IL1RAPL1: variants seen among roughly 807,000 people sequenced by gnomAD.
The protein encoded by IL1RAPL1 is interleukin 1 receptor accessory protein like 1.
A neutral mutation model predicts 48.4 loss-of-function variants in IL1RAPL1; 3 were observed. The ratio of observed to expected loss-of-function variants is 0.06; its 90% confidence interval spans 0.03 to 0.16. The LOEUF is 0.16. IL1RAPL1 is among the 10% of genes least tolerant of loss of function. IL1RAPL1 has a pLI of 1.00. For synonymous variants in IL1RAPL1, 185 were observed against 187.7 expected (o/e 0.99, Z 0.12); for missense variants, 349 against 530.6 (o/e 0.66, Z 3.36).
intron 2 of IL1RAPL1, among the ~76,000 whole-genome samples, chrX:28,798,329 T>G (rs1452069358): frequency 1.8e-5 from 2 of 111,990 alleles, no homozygotes; most frequent in Non-Finnish European, 3.8e-5. Flanking sequence ...AGTATCTTAC[T>G]GATGTTTTAA....
intron 1 of IL1RAPL1, among the ~76,000 whole-genome samples, chrX:28,692,989 A>G (rs1935195766): frequency 8.9e-6 from 1 of 112,164 alleles, no homozygotes; most frequent in Non-Finnish European, 1.9e-5. Context: ...ATAGGTCCAT[A>G]TATCTTAGGT....
chrX:29,412,143 C>T (rs760716956), intron 5 of IL1RAPL1, among the ~76,000 whole-genome samples: 2 of 110,875 alleles, frequency 1.8e-5, no homozygotes, highest in African/African-American at 6.6e-5. Flanking sequence ...TGGTGGTCCG[C>T]GCCTGTAGTC....
At chrX:28,704,421 AAC>A (rs71703533) in intron 1 of IL1RAPL1, among the ~76,000 whole-genome samples, 5,756 of 89,279 alleles carry the variant, frequency 0.064, 215 homozygotes, top group African/African-American at 0.12. Flanking sequence ...AAAACACACA[AAC>A]ACACACACAC....
At chrX:29,250,268 AAAC>A (rs1205434165) in intron 2 of IL1RAPL1, among the ~76,000 whole-genome samples, 4 of 112,323 alleles carry the variant, frequency 3.6e-5, no homozygotes, top group Non-Finnish European at 5.6e-5. Flanking sequence ...TGAGAAATAG[AAAC>A]AACAACAACA....
intron 6 of IL1RAPL1, among the ~76,000 whole-genome samples, chrX:29,781,954 G>T (rs1291407673): frequency 1.8e-5 from 2 of 111,134 alleles, no homozygotes; most frequent in African/African-American, 6.6e-5. Flanking sequence ...AATAGATCTG[G>T]CACCTATTGG....
At chrX:28,817,357 C>A (rs192096468) in intron 2 of IL1RAPL1, among the ~76,000 whole-genome samples, 5 of 110,922 alleles carry the variant, frequency 4.5e-5, no homozygotes, top group Non-Finnish European at 9.5e-5. Flanking sequence ...ACCATCAACT[C>A]CCAATATCAT....
At chrX:28,983,954 T>G (rs758960521) in intron 2 of IL1RAPL1, among the ~76,000 whole-genome samples, 1 of 112,113 alleles carries the variant, frequency 8.9e-6, no homozygotes, top group African/African-American at 3.2e-5. Flanking sequence ...GTCAATATTT[T>G]AAATTCACCA....
intron 6 of IL1RAPL1, among the ~76,000 whole-genome samples, chrX:29,713,495 G>A (rs1439127777): frequency 8.9e-6 from 1 of 111,898 alleles, no homozygotes; most frequent in Admixed American, 9.5e-5. Flanking sequence ...TGGAGTCCCA[G>A]TGTGACCCCT....
At chrX:28,969,910 T>TATATATGTTTCTAAACACAC (rs1925020145) in intron 2 of IL1RAPL1, among the ~76,000 whole-genome samples, 4 of 109,154 alleles carry the variant, frequency 3.7e-5, no homozygotes, top group Non-Finnish European at 7.7e-5. Flanking sequence ...TAAACACACA[T>TATATATGTTTCTAAACACAC]ATATATGTTT....
intron 6 of IL1RAPL1, among the ~76,000 whole-genome samples, chrX:29,782,655 G>A (rs745752538): frequency 9.0e-6 from 1 of 111,044 alleles, no homozygotes; most frequent in African/African-American, 3.3e-5. Context: ...CATATAGTCT[G>A]GGAAGGTCCC....
chrX:29,130,026 A>C (rs756129403), intron 2 of IL1RAPL1, among the ~76,000 whole-genome samples: 2 of 111,629 alleles, frequency 1.8e-5, no homozygotes, highest in East Asian at 5.6e-4. Context: ...CTATCATTAC[A>C]TTTTTGGCTG....
chrX:29,588,403 C>G (rs1290877727), intron 5 of IL1RAPL1, among the ~76,000 whole-genome samples: 1 of 112,015 alleles, frequency 8.9e-6, no homozygotes, highest in Non-Finnish European at 1.9e-5. Flanking sequence ...TGTAGTACCT[C>G]AAATTGATAG....
At chrX:28,740,430 C>G (rs1935893357) in intron 1 of IL1RAPL1, among the ~76,000 whole-genome samples, 1 of 111,896 alleles carries the variant, frequency 8.9e-6, no homozygotes, top group Admixed American at 9.6e-5. Flanking sequence ...ATTAATATCT[C>G]TGATATGAGC....
intron 9 of IL1RAPL1, among the ~76,000 whole-genome samples, chrX:29,953,671 A>G (rs1386879076): frequency 8.9e-6 from 1 of 111,810 alleles, no homozygotes; most frequent in Non-Finnish European, 1.9e-5. Flanking sequence ...CATTTTAATA[A>G]TATTCTCCAT....
chrX:29,532,221 CCCT>C (rs1921066976), intron 5 of IL1RAPL1, among the ~76,000 whole-genome samples: 1 of 111,902 alleles, frequency 8.9e-6, no homozygotes, highest in Admixed American at 9.5e-5. Flanking sequence ...CTTGTTCTGT[CCCT>C]CCTCCTCTCT....
At chrX:29,822,543 G>A (rs1313167291) in intron 6 of IL1RAPL1, among the ~76,000 whole-genome samples, 2 of 109,880 alleles carry the variant, frequency 1.8e-5, no homozygotes, top group African/African-American at 6.6e-5. Context: ...GCCTGAGTAG[G>A]ATATTTTATT....
intron 2 of IL1RAPL1, among the ~76,000 whole-genome samples, chrX:29,244,116 A>G (rs1356610174): frequency 8.9e-6 from 1 of 112,014 alleles, no homozygotes; most frequent in Non-Finnish European, 1.9e-5. Context: ...TGTCAAGACA[A>G]ATACAGTCTT....
chrX:29,252,396 G>A (rs1931663419), intron 2 of IL1RAPL1, among the ~76,000 whole-genome samples: 1 of 113,982 alleles, frequency 8.8e-6, no homozygotes, highest in African/African-American at 3.2e-5. Flanking sequence ...GTTTCCTAGT[G>A]GCCAGGGCAT....
intron 1 of IL1RAPL1, among the ~76,000 whole-genome samples, chrX:28,687,149 C>T (rs1018019854): frequency 9.0e-6 from 1 of 111,295 alleles, no homozygotes; most frequent in South Asian, 3.7e-4. Flanking sequence ...TGTCTGCTTT[C>T]CAGTATAATT....
Sources: gnomAD v4.1 joint callset for allele counts (sites outside exome capture counted in the v4.1 genomes callset) on GRCh38, gnomAD v4.1.1 for gene constraint, MANE v1.5 for transcripts, NCBI Gene and HGNC (gene_info 2026-07-23, HGNC 2026-07-21) for gene names.